Variants in UTRN observed in about 807,000 individuals in gnomAD.
UTRN encodes utrophin.
UTRN carries 283 observed loss-of-function variants against 463.9 expected under a neutral mutation model. The observed-to-expected ratio is 0.61, with a 90% CI of 0.55 to 0.67. UTRN has a LOEUF of 0.67. Among genes scored for constraint, UTRN ranks in the 30% least tolerant of loss-of-function variants. The probability of loss-of-function intolerance (pLI) is 0.00; values close to 1 mark genes in which losing one functional copy is unlikely to be tolerated. For missense variants in UTRN, 3,922 were observed against 4,084.3 expected (o/e 0.96, Z 1.08); for synonymous variants, 1,442 against 1,431.5 (o/e 1.01, Z -0.17).
intron 46 of UTRN, among the ~76,000 whole-genome samples, chr6:144,543,803 G>C (rs1798181661): frequency 6.6e-6 from 1 of 151,582 alleles, no homozygotes; most frequent in Admixed American, 6.6e-5. Flanking sequence ...AGTGATGACA[G>C]ACAATATATT....
intron 51 of UTRN, among the ~76,000 whole-genome samples, chr6:144,598,052 T>A (rs1279430888): frequency 1.3e-5 from 2 of 152,206 alleles, no homozygotes; most frequent in African/African-American, 4.8e-5. Context: ...TATATCATTC[T>A]GGCTTCCAAG....
intron 51 of UTRN, among the ~76,000 whole-genome samples, chr6:144,640,058 G>GAGATTGAGAGGC (rs1554317926): frequency 1.3e-5 from 2 of 151,000 alleles, no homozygotes; most frequent in Non-Finnish European, 3.0e-5. Context: ...GAGAGAGAGA[G>GAGATTGAGAGGC]AGATTGAGAG....
At chr6:144,749,380 G>A (rs1051329194) in intron 55 of UTRN, among the ~76,000 whole-genome samples, 23 of 152,182 alleles carry the variant, frequency 1.5e-4, no homozygotes, top group African/African-American at 4.1e-4. Context: ...ATCATTAATC[G>A]TTCTTATTTA....
At chr6:144,603,728 C>T (rs1282100403) in intron 51 of UTRN, among the ~76,000 whole-genome samples, 1 of 152,056 alleles carries the variant, frequency 6.6e-6, no homozygotes, top group East Asian at 1.9e-4. Flanking sequence ...AGTAGACATT[C>T]CAATGATTTA....
At chr6:144,365,844 T>A (rs111279146) in intron 2 of UTRN, among the ~76,000 whole-genome samples, 5,400 of 152,268 alleles carry the variant, frequency 0.035, 252 homozygotes, top group East Asian at 0.11. Context: ...TTCAAGTGAT[T>A]CTCCTGCTTC....
intron 60 of UTRN, among the ~76,000 whole-genome samples, chr6:144,780,753 C>T (rs556189204): frequency 1.4e-4 from 22 of 152,326 alleles, no homozygotes; most frequent in Admixed American, 2.6e-4. Flanking sequence ...CTGTCTGTTT[C>T]ACTGCCGGCA....
At chr6:144,699,485 T>TTTTTTTG (rs1784364577) in intron 52 of UTRN, among the ~76,000 whole-genome samples, 1 of 136,062 alleles carries the variant, frequency 7.3e-6, no homozygotes, top group South Asian at 2.3e-4. Context: ...TTTTTTTTTT[T>TTTTTTTG]TTTTTTTTTT....
At chr6:144,430,909 A>T (rs982704904) in intron 9 of UTRN, among the ~76,000 whole-genome samples, 42 of 152,030 alleles carry the variant, frequency 2.8e-4, no homozygotes, top group Non-Finnish European at 5.9e-5. Context: ...CCCGTTTCAA[A>T]AATAGTGTGA....
rs376605881 is a variant in UTRN, at chr6:144,450,914, G to A, written c.2073-456G>A. On this transcript the variant is annotated intron_variant, in intron 17 of 74. Transcript: ENST00000367545. ...GAGGCCAAGGCGGGCCGATCATGAG[G>A]TCAGCCTGGCCAACATGGTGAAACT... 2.2e-4 allele frequency among the ~76,000 whole-genome samples: 33 copies of A among 152,258 alleles called. 1 individual carries two copies. Among genetic ancestry groups the A allele is most frequent in the South Asian group, 2.1e-3 (10 of 4,822 alleles).
chr6:144,438,670 C>T (rs1786823565), intron 11 of UTRN, 75 bp from the exon 12 acceptor site: 58 of 1,572,570 alleles, frequency 3.7e-5, no homozygotes, highest in South Asian at 2.9e-4. Flanking sequence ...CCTGTATCTC[C>T]GGTGCCCAGA....
chr6:144,375,845 C>G (rs937882873), intron 2 of UTRN, among the ~76,000 whole-genome samples: 102 of 152,152 alleles, frequency 6.7e-4, no homozygotes, highest in African/African-American at 2.4e-3. Flanking sequence ...TGTTTCAGGG[C>G]ACCACTCTTC....
chr6:144,607,397 A>T (rs942604871), intron 51 of UTRN, among the ~76,000 whole-genome samples: 1 of 152,208 alleles, frequency 6.6e-6, no homozygotes, highest in Non-Finnish European at 1.5e-5. Context: ...AACTTTGTTC[A>T]TCTCAATATT....
rs142827863 is a variant in UTRN, at chr6:144,344,240, T to C, written c.79+52333T>C. 162 of 1,304,132 alleles carry C rather than the reference T, an allele frequency of 1.2e-4. No homozygotes were observed. The Admixed American group carries it at 3.1e-3, about 25-fold the overall frequency. The allele number at this position is 1,304,132 out of a possible 1,614,324, so 80.8% of individuals were successfully genotyped here. A position where few individuals can be genotyped will look rare whatever the true frequency, so the allele number is the denominator to read the frequency against. ...GCGGCCTGGCAGCCACCACGTTTCA[T>C]TGGAAAAAGTGCAGATTGGATTTGC... On this transcript the variant is annotated intron_variant, in intron 2 of 74. Coordinates refer to ENST00000367545, the MANE Select transcript of UTRN (RefSeq NM_007124.3).
intron 51 of UTRN, among the ~76,000 whole-genome samples, chr6:144,657,606 G>C (rs1362776111): frequency 6.6e-6 from 1 of 152,142 alleles, no homozygotes; most frequent in Non-Finnish European, 1.5e-5. Context: ...CTTGGGTGTG[G>C]ATACAAGATA....
chr6:144,353,897 A>G (rs1242482953), intron 2 of UTRN, among the ~76,000 whole-genome samples: 1 of 152,194 alleles, frequency 6.6e-6, no homozygotes, highest in Non-Finnish European at 1.5e-5. Flanking sequence ...CAAGGAGCCA[A>G]AAATAAATGA....
At chr6:144,799,192 A>G (rs778323130) in intron 64 of UTRN, among the ~76,000 whole-genome samples, 1 of 152,206 alleles carries the variant, frequency 6.6e-6, no homozygotes, top group Admixed American at 6.5e-5. Context: ...CATTTGACTG[A>G]CTTTATCAGC....
chr6:144,336,501 C>G (rs192938966), intron 2 of UTRN, among the ~76,000 whole-genome samples: 8 of 152,230 alleles, frequency 5.3e-5, no homozygotes, highest in South Asian at 4.1e-4. Flanking sequence ...TTCCTGCCAA[C>G]ACCAAAGAAT....
At chr6:144,521,941 A>C in intron 39 of UTRN, 39 bp from the exon 40 acceptor site, 1 of 1,117,598 alleles carries the variant, frequency 8.9e-7, no homozygotes, top group Non-Finnish European at 1.1e-6. Flanking sequence ...TAAGAGATAT[A>C]TATATATATA....
At chr6:144,339,143 T>C (rs1478285939) in intron 2 of UTRN, among the ~76,000 whole-genome samples, 1 of 151,670 alleles carries the variant, frequency 6.6e-6, no homozygotes, top group East Asian at 1.9e-4. Context: ...TGAAACTCTT[T>C]GACATGTGTT....
Sources: gnomAD v4.1 joint callset for allele counts (sites outside exome capture counted in the v4.1 genomes callset) on GRCh38, gnomAD v4.1.1 for gene constraint, MANE v1.5 for transcripts, NCBI Gene and HGNC (gene_info 2026-07-23, HGNC 2026-07-21) for gene names.